FRMD4A: variants seen among roughly 807,000 people sequenced by gnomAD.
FRMD4A encodes FERM domain-containing protein 4A.
In FRMD4A, 29 loss-of-function variants were observed where a neutral mutation model predicts 129.1. The ratio of observed to expected loss-of-function variants is 0.22; its 90% confidence interval spans 0.17 to 0.31. FRMD4A has a LOEUF of 0.31. Among genes scored for constraint, FRMD4A ranks in the 10% least tolerant of loss-of-function variants. The pLI is 1.00. For missense variants in FRMD4A, 1,272 were observed against 1,375.8 expected (o/e 0.92, Z 1.19); for synonymous variants, 634 against 571.6 (o/e 1.11, Z -1.56).
intron 2 of FRMD4A, among the ~76,000 whole-genome samples, chr10:14,165,588 G>A (rs1444643550): frequency 6.6e-6 from 1 of 152,160 alleles, no homozygotes; most frequent in African/African-American, 2.4e-5. Context: ...ATTCACAATA[G>A]CAAAGGCATG....
At chr10:13,651,394 T>A (rs369231185) in intron 24 of FRMD4A, 1 of 153,494 alleles carries the variant, frequency 6.5e-6, no homozygotes, top group African/African-American at 2.4e-5. Context: ...CACAGTAAAA[T>A]GTCTACAAAT....
intron 2 of FRMD4A, among the ~76,000 whole-genome samples, chr10:13,893,920 A>G (rs541513421): frequency 3.5e-4 from 53 of 152,276 alleles, no homozygotes; most frequent in Middle Eastern, 6.8e-3. Flanking sequence ...CATATTCTGT[A>G]TGTCCTAAAC....
intron 2 of FRMD4A, among the ~76,000 whole-genome samples, chr10:14,179,210 T>C (rs1372006743): frequency 1.3e-5 from 2 of 152,180 alleles, no homozygotes; most frequent in African/African-American, 4.8e-5. Flanking sequence ...GGATCATAGC[T>C]AGCCAAACAA....
intron 2 of FRMD4A, among the ~76,000 whole-genome samples, chr10:14,089,630 C>CAAAAAAAAAAAAAAAAAAA (rs59553317): frequency 7.6e-6 from 1 of 130,784 alleles, no homozygotes; most frequent in Non-Finnish European, 1.6e-5. Flanking sequence ...AAAAAAAAAA[C>CAAAAAAAAAAAAAAAAAAA]AAAAAAAAAC....
intron 2 of FRMD4A, among the ~76,000 whole-genome samples, chr10:14,021,446 AC>A (rs1335503648): frequency 6.6e-6 from 1 of 152,020 alleles, no homozygotes; most frequent in African/African-American, 2.4e-5. Context: ...AGTCCCACCT[AC>A]TTGGGAGGCT....
intron 2 of FRMD4A, among the ~76,000 whole-genome samples, chr10:13,948,190 A>G (rs1798161154): frequency 6.6e-6 from 1 of 152,058 alleles, no homozygotes; most frequent in Admixed American, 6.6e-5. Flanking sequence ...GTTGAAATAT[A>G]TATATATATT....
At chr10:13,720,333 G>A (rs1450133529) in intron 12 of FRMD4A, among the ~76,000 whole-genome samples, 1 of 152,234 alleles carries the variant, frequency 6.6e-6, no homozygotes, top group East Asian at 1.9e-4. Context: ...ACAGGCATGA[G>A]CTACTGCACC....
chr10:13,956,567 G>A (rs983006447), intron 2 of FRMD4A, among the ~76,000 whole-genome samples: 2 of 152,222 alleles, frequency 1.3e-5, no homozygotes, highest in African/African-American at 4.8e-5. Context: ...GTAAATGGTG[G>A]AGTTGGAGTA....
intron 2 of FRMD4A, among the ~76,000 whole-genome samples, chr10:14,299,031 C>A (rs954836742): frequency 6.6e-6 from 1 of 152,180 alleles, no homozygotes; most frequent in African/African-American, 2.4e-5. Flanking sequence ...TGGGACGGAG[C>A]CATTTCTTTG....
At chr10:14,177,512 T>TA (rs1030272639) in intron 2 of FRMD4A, among the ~76,000 whole-genome samples, 6 of 151,970 alleles carry the variant, frequency 3.9e-5, no homozygotes, top group South Asian at 2.1e-4. Context: ...TCCTTGATAT[T>TA]AAAAAAAATA....
At chr10:13,728,573 CT>C (rs10706168) in intron 12 of FRMD4A, among the ~76,000 whole-genome samples, 23,577 of 78,468 alleles carry the variant, frequency 0.3, 4,013 homozygotes, top group Middle Eastern at 0.4. Context: ...GATTACCATT[CT>C]TTTTTTTTTT....
intron 2 of FRMD4A, among the ~76,000 whole-genome samples, chr10:14,033,715 G>A (rs938000059): frequency 1.3e-4 from 20 of 151,986 alleles, no homozygotes; most frequent in African/African-American, 4.8e-4. Context: ...AACCCAGGAG[G>A]TGGAGGTTGC....
At chr10:13,919,028 T>C (rs962342473) in intron 2 of FRMD4A, among the ~76,000 whole-genome samples, 1 of 152,210 alleles carries the variant, frequency 6.6e-6, no homozygotes, top group Admixed American at 6.5e-5. Context: ...CATCTTAATT[T>C]CCAAAGTGAC....
intron 2 of FRMD4A, among the ~76,000 whole-genome samples, chr10:14,246,937 C>T (rs1225850549): frequency 6.6e-6 from 1 of 152,044 alleles, no homozygotes; most frequent in Non-Finnish European, 1.5e-5. Flanking sequence ...AGTGTAGCTG[C>T]GTTGTGTGAA....
At position 13,894,725 on chromosome 10, in the gene FRMD4A, C is replaced by G. The variant is rs555321357; in HGVS notation, c.46-35813G>C. 4.6e-5 allele frequency among the ~76,000 whole-genome samples: 7 copies of G among 152,350 alleles called. No homozygotes were observed. In the South Asian group the frequency reaches 1.5e-3, roughly 32 times the overall value. On this transcript the variant is annotated intron_variant, in intron 2 of 24. Transcript: ENST00000357447. The stretch of plus-strand genomic sequence containing the variant: ...TTTCAGGTTCTTACTCAAATGCTGC[C>G]TCTTAGATAACCTTCGGTGACCAGC...
At chr10:13,699,087 ACT>A (rs1452627900) in intron 14 of FRMD4A, among the ~76,000 whole-genome samples, 5 of 136,776 alleles carry the variant, frequency 3.7e-5, no homozygotes, top group Admixed American at 7.8e-5. Flanking sequence ...ATGGAGTCTC[ACT>A]CTGTCAACCA....
chr10:14,067,814 CT>C (rs1443204998), intron 2 of FRMD4A, among the ~76,000 whole-genome samples: 1 of 152,168 alleles, frequency 6.6e-6, no homozygotes, highest in Admixed American at 6.5e-5. Context: ...GAGACTCCGT[CT>C]CAAAACAAAA....
At chr10:14,226,660 C>A (rs962856556) in intron 2 of FRMD4A, among the ~76,000 whole-genome samples, 1 of 152,098 alleles carries the variant, frequency 6.6e-6, no homozygotes, top group East Asian at 1.9e-4. Context: ...AAGGGCATGG[C>A]GGGTTAGGAC....
chr10:13,983,179 G>A (rs1458197301), intron 2 of FRMD4A, among the ~76,000 whole-genome samples: 4 of 152,002 alleles, frequency 2.6e-5, no homozygotes, highest in Non-Finnish European at 4.4e-5. Context: ...CAGGCTGGTC[G>A]CCAATTTCTG....
Sources: gnomAD v4.1 joint callset for allele counts (sites outside exome capture counted in the v4.1 genomes callset) on GRCh38, gnomAD v4.1.1 for gene constraint, MANE v1.5 for transcripts, NCBI Gene and HGNC (gene_info 2026-07-23, HGNC 2026-07-21) for gene names.